ZNRF3: variants seen among roughly 807,000 people sequenced by gnomAD.
ZNRF3 encodes zinc and ring finger 3.
Under a neutral mutation model 72.5 loss-of-function variants are expected in ZNRF3, and 23 were observed. The observed-to-expected ratio is 0.32, with a 90% CI of 0.23 to 0.45. ZNRF3 has a LOEUF of 0.45. Among genes scored for constraint, ZNRF3 ranks in the 20% least tolerant of loss-of-function variants. ZNRF3 has a pLI of 1.00. For missense variants in ZNRF3, 1,169 were observed against 1,272.1 expected, an observed-to-expected ratio of 0.92 and a Z score of 1.23; for synonymous variants, 610 against 545.3, an observed-to-expected ratio of 1.12 and a Z score of -1.65.
At chr22:28,934,062 A>G in intron 1 of ZNRF3, among the ~76,000 whole-genome samples, 1 of 152,036 alleles carries the variant, frequency 6.6e-6, no homozygotes, top group Non-Finnish European at 1.5e-5. Flanking sequence ...CTTATTAACA[A>G]AAGGCTGGGT....
intron 1 of ZNRF3, among the ~76,000 whole-genome samples, chr22:28,915,100 C>T (rs1461684788): frequency 6.6e-6 from 1 of 152,212 alleles, no homozygotes; most frequent in African/African-American, 2.4e-5. Context: ...GTTCTGTCTT[C>T]TAGAGTATAT....
chr22:28,994,559 G>C (rs1041385129), intron 2 of ZNRF3, among the ~76,000 whole-genome samples: 2 of 151,966 alleles, frequency 1.3e-5, no homozygotes, highest in African/African-American at 4.8e-5. Context: ...AAAGTAGAAT[G>C]GTGGTTGCTG....
At chr22:28,897,265 G>C (rs1031775632) in intron 1 of ZNRF3, among the ~76,000 whole-genome samples, 3 of 152,172 alleles carry the variant, frequency 2.0e-5, no homozygotes, top group African/African-American at 7.2e-5. Flanking sequence ...GTGTGTTGCT[G>C]TCCTTGTTCC....
chr22:28,995,204 C>T (rs909189616), intron 2 of ZNRF3, among the ~76,000 whole-genome samples: 4 of 152,214 alleles, frequency 2.6e-5, no homozygotes, highest in African/African-American at 7.2e-5. Flanking sequence ...GAGGCTGAGG[C>T]GGGTGGATCA....
At chr22:28,947,201 C>T (rs1457791622) in intron 1 of ZNRF3, among the ~76,000 whole-genome samples, 5 of 151,772 alleles carry the variant, frequency 3.3e-5, no homozygotes, top group African/African-American at 1.2e-4. Context: ...TTGCTATCAG[C>T]CATGTATTAC....
chr22:28,953,656 A>G (rs981836598), intron 1 of ZNRF3, among the ~76,000 whole-genome samples: 1 of 152,262 alleles, frequency 6.6e-6, no homozygotes, highest in East Asian at 1.9e-4. Context: ...CAAGGTTCCC[A>G]TATATCCTGA....
At chr22:29,052,376 A>C (rs906139911) in intron 8 of ZNRF3, among the ~76,000 whole-genome samples, 7 of 152,106 alleles carry the variant, frequency 4.6e-5, no homozygotes, top group Non-Finnish European at 8.8e-5. Context: ...AAAACCCTTC[A>C]ATGACTTGCC....
intron 2 of ZNRF3, among the ~76,000 whole-genome samples, chr22:29,002,964 G>A (rs2036176117): frequency 6.6e-6 from 1 of 152,100 alleles, no homozygotes; most frequent in African/African-American, 2.4e-5. Context: ...GAAGCACCAA[G>A]GAAAGAGAAG....
At chr22:29,032,858 GATGTC>G (rs1046553334) in intron 2 of ZNRF3, among the ~76,000 whole-genome samples, 2 of 152,224 alleles carry the variant, frequency 1.3e-5, no homozygotes, top group African/African-American at 4.8e-5. Flanking sequence ...ATGACAGTGT[GATGTC>G]ATAAGTGCCA....
intron 1 of ZNRF3, among the ~76,000 whole-genome samples, chr22:28,918,487 C>T (rs529892371): frequency 1.1e-4 from 16 of 149,874 alleles, no homozygotes; most frequent in Non-Finnish European, 2.4e-4. Flanking sequence ...TGTGTGGGTG[C>T]GTGCGTGTGT....
intron 1 of ZNRF3, chr22:28,986,633 C>G (rs1469058947): frequency 2.0e-6 from 2 of 985,280 alleles, no homozygotes; most frequent in African/African-American, 3.5e-5. Flanking sequence ...TTTCCAGATC[C>G]TCTTGCGTAA....
intron 1 of ZNRF3, among the ~76,000 whole-genome samples, chr22:28,919,912 C>A (rs187817205): frequency 9.9e-5 from 15 of 152,262 alleles, no homozygotes; most frequent in Non-Finnish European, 1.5e-4. Context: ...AGAGGTGGAA[C>A]ATTGAACTCT....
At chr22:29,039,833 C>T (rs1256763819) in intron 2 of ZNRF3, among the ~76,000 whole-genome samples, 2 of 151,512 alleles carry the variant, frequency 1.3e-5, no homozygotes, top group Non-Finnish European at 1.5e-5. Context: ...GTAGCAGGCA[C>T]CTGCAGTCCC....
At chr22:28,918,537 C>CGTGTGT (rs56876101) in intron 1 of ZNRF3, among the ~76,000 whole-genome samples, 33 of 148,738 alleles carry the variant, frequency 2.2e-4, no homozygotes, top group African/African-American at 8.0e-4. Context: ...TGCATGTGTG[C>CGTGTGT]GTGTGTGTGT....
intron 1 of ZNRF3, among the ~76,000 whole-genome samples, chr22:28,913,093 A>C (rs1026667854): frequency 1.3e-5 from 2 of 152,212 alleles, no homozygotes; most frequent in African/African-American, 4.8e-5. Context: ...ATACTTTCTT[A>C]AGCCAATTGC....
chr22:29,027,612 C>A (rs1353953691), intron 2 of ZNRF3, among the ~76,000 whole-genome samples: 1 of 152,186 alleles, frequency 6.6e-6, no homozygotes, highest in Non-Finnish European at 1.5e-5. Flanking sequence ...CAGCCACTGA[C>A]CACCCTCTGC....
intron 2 of ZNRF3, among the ~76,000 whole-genome samples, chr22:29,001,154 C>T (rs1041472511): frequency 9.5e-5 from 14 of 147,070 alleles, no homozygotes; most frequent in Non-Finnish European, 1.9e-4. Flanking sequence ...CTGCAAGCTC[C>T]GCCTCCTGGG....
chr22:28,980,228 G>A (rs530558721), intron 1 of ZNRF3, among the ~76,000 whole-genome samples: 1 of 151,976 alleles, frequency 6.6e-6, no homozygotes, highest in Non-Finnish European at 1.5e-5. Flanking sequence ...GGTGGGTGGA[G>A]GGGGGGAAGG....
intron 1 of ZNRF3, among the ~76,000 whole-genome samples, chr22:28,887,749 G>C (rs1009662034): frequency 1.3e-5 from 2 of 152,206 alleles, no homozygotes; most frequent in Middle Eastern, 3.4e-3. Context: ...GACTTTAAAG[G>C]GTTCTTAGAT....
Sources: allele counts gnomAD v4.1 joint callset (sites outside exome capture counted in the v4.1 genomes callset), GRCh38; gene constraint gnomAD v4.1.1; transcripts MANE v1.5; gene names NCBI Gene and HGNC (gene_info 2026-07-23, HGNC 2026-07-21).